THRB: variants seen among roughly 807,000 people sequenced by gnomAD.
The protein encoded by THRB is thyroid hormone receptor beta.
In THRB, 12 loss-of-function variants were observed where a neutral mutation model predicts 47.8. That is an observed-to-expected ratio of 0.25 (90% CI 0.16 to 0.41). The LOEUF is 0.41. THRB is among the 10% of genes least tolerant of loss of function. THRB has a pLI of 1.00. For missense variants in THRB, 348 were observed against 589.2 expected (o/e 0.59, Z 4.24); for synonymous variants, 218 against 212.2 (o/e 1.03, Z -0.24).
chr3:24,229,691 G>T (rs566101401), intron 3 of THRB, among the ~76,000 whole-genome samples: 6 of 152,318 alleles, frequency 3.9e-5, no homozygotes, highest in African/African-American at 1.4e-4. Flanking sequence ...CCAAGGAAGG[G>T]TGCACCCAGG....
chr3:24,296,743 G>C (rs2056477842), intron 3 of THRB, among the ~76,000 whole-genome samples: 1 of 152,194 alleles, frequency 6.6e-6, no homozygotes, highest in Admixed American at 6.5e-5. Flanking sequence ...CAGCACCAAG[G>C]AGGGGGAGGA....
At chr3:24,302,754 C>T (rs1161491469) in intron 2 of THRB, among the ~76,000 whole-genome samples, 2 of 152,220 alleles carry the variant, frequency 1.3e-5, no homozygotes, top group Non-Finnish European at 1.5e-5. Flanking sequence ...CACCATCTGG[C>T]TTACCTACTC....
chr3:24,458,974 T>G (rs1403066203), intron 1 of THRB: 1 of 151,672 alleles, frequency 6.6e-6, no homozygotes, highest in Non-Finnish European at 1.5e-5. Context: ...ATTTATTTAT[T>G]ATACTTTAAG....
At chr3:24,289,367 T>C (rs1009804946) in intron 3 of THRB, among the ~76,000 whole-genome samples, 1 of 152,170 alleles carries the variant, frequency 6.6e-6, no homozygotes, top group African/African-American at 2.4e-5. Flanking sequence ...GGTTAAAACA[T>C]AAAAAATTGC....
At chr3:24,178,140 C>T (rs2041418262) in intron 5 of THRB, among the ~76,000 whole-genome samples, 1 of 152,118 alleles carries the variant, frequency 6.6e-6, no homozygotes, top group Non-Finnish European at 1.5e-5. Flanking sequence ...AGAAAATATA[C>T]TTTCTTCTAA....
At chr3:24,292,536 T>G (rs2150988634) in intron 3 of THRB, among the ~76,000 whole-genome samples, 1 of 152,294 alleles carries the variant, frequency 6.6e-6, no homozygotes, top group African/African-American at 2.4e-5. Context: ...TCCTCTCCAC[T>G]GTGTGCATCA....
At chr3:24,339,674 T>C (rs1232222003) in intron 1 of THRB, among the ~76,000 whole-genome samples, 1 of 151,974 alleles carries the variant, frequency 6.6e-6, no homozygotes, top group Admixed American at 6.6e-5. Flanking sequence ...AGTAGACAAA[T>C]TGAAAGTGAT....
At chr3:24,147,412 C>A (rs567939423) in intron 6 of THRB, among the ~76,000 whole-genome samples, 1 of 152,314 alleles carries the variant, frequency 6.6e-6, no homozygotes, top group African/African-American at 2.4e-5. Context: ...AACAATAGGA[C>A]TCAGGGAGTA....
At chr3:24,341,369 G>C (rs1352870859) in intron 1 of THRB, among the ~76,000 whole-genome samples, 1 of 151,000 alleles carries the variant, frequency 6.6e-6, no homozygotes, top group Admixed American at 6.6e-5. Flanking sequence ...TAGGTGGGAT[G>C]ACAGGCGTGT....
intron 4 of THRB, among the ~76,000 whole-genome samples, chr3:24,224,179 AG>A (rs138605449): frequency 0.052 from 7,974 of 152,242 alleles, 700 homozygotes; most frequent in African/African-American, 0.18. Flanking sequence ...GTTTATCCAG[AG>A]GGAAATTATC....
At chr3:24,293,066 T>C (rs2056104468) in intron 3 of THRB, among the ~76,000 whole-genome samples, 1 of 152,218 alleles carries the variant, frequency 6.6e-6, no homozygotes, top group Non-Finnish European at 1.5e-5. Context: ...CACTCACTGG[T>C]CTGTCCCAGA....
At chr3:24,295,333 C>T (rs1267093508) in intron 3 of THRB, among the ~76,000 whole-genome samples, 2 of 152,174 alleles carry the variant, frequency 1.3e-5, no homozygotes, top group Non-Finnish European at 2.9e-5. Flanking sequence ...TCTTTGGGGA[C>T]TATTTTACTA....
At chr3:24,381,201 C>A (rs2065686005) in intron 1 of THRB, among the ~76,000 whole-genome samples, 1 of 151,324 alleles carries the variant, frequency 6.6e-6, no homozygotes, top group South Asian at 2.1e-4. Context: ...CAACAACATT[C>A]AAACAAAGGA....
At chr3:24,370,521 A>G (rs1229786759) in intron 1 of THRB, among the ~76,000 whole-genome samples, 1 of 151,988 alleles carries the variant, frequency 6.6e-6, no homozygotes, top group Non-Finnish European at 1.5e-5. Flanking sequence ...AATGTTCCTC[A>G]GTATCAAATA....
intron 1 of THRB, among the ~76,000 whole-genome samples, chr3:24,347,344 G>A (rs1479789121): frequency 6.6e-6 from 1 of 151,766 alleles, no homozygotes; most frequent in East Asian, 1.9e-4. Flanking sequence ...ATTTCAAGAA[G>A]CCCTAAAAAT....
At chr3:24,348,060 T>C (rs1032505053) in intron 1 of THRB, among the ~76,000 whole-genome samples, 1 of 152,142 alleles carries the variant, frequency 6.6e-6, no homozygotes, top group African/African-American at 2.4e-5. Flanking sequence ...ACTAGTATTT[T>C]TTATGAATTT....
intron 1 of THRB, among the ~76,000 whole-genome samples, chr3:24,446,004 C>T (rs1324471109): frequency 1.3e-5 from 2 of 152,014 alleles, no homozygotes; most frequent in East Asian, 1.9e-4. Context: ...TGTGATGTAA[C>T]CATATATGCA....
In THRB at chr3:24,434,867, G is replaced by A. The variant is rs184215411; in HGVS notation, c.-261+59785C>T. Among the ~76,000 whole-genome samples, 1,389 of 152,286 alleles carry A rather than the reference G, an allele frequency of 9.1e-3. 12 individuals carry two copies. The highest frequency in any genetic ancestry group is 0.014 in the Non-Finnish European group (942 of 68,026). ...AGACACTAATTGAAGATGATGCTAA[G>A]GTCAGCTGCTATCAGTCTGTGCTTG... On this transcript the variant is annotated intron_variant, in intron 1 of 10. Transcript: ENST00000646209.
intron 1 of THRB, among the ~76,000 whole-genome samples, chr3:24,466,625 G>T (rs1352712109): frequency 1.3e-5 from 2 of 152,144 alleles, no homozygotes; most frequent in African/African-American, 4.8e-5. Flanking sequence ...CGTGGATATT[G>T]CAATAAAGTG....
Sources: gnomAD v4.1 joint callset for allele counts (sites outside exome capture counted in the v4.1 genomes callset) on GRCh38, gnomAD v4.1.1 for gene constraint, MANE v1.5 for transcripts, NCBI Gene and HGNC (gene_info 2026-07-23, HGNC 2026-07-21) for gene names.